KLF12: variants seen among roughly 807,000 people sequenced by gnomAD.
The protein encoded by KLF12 is Krueppel-like factor 12.
KLF12 carries 9 observed loss-of-function variants against 37.8 expected under a neutral mutation model. The ratio of observed to expected loss-of-function variants is 0.24; its 90% CI spans 0.14 to 0.42. The LOEUF (loss-of-function observed/expected upper bound fraction) is 0.42. Ranked by LOEUF, KLF12 falls within the 10% of genes least tolerant of loss-of-function variation. The probability of loss-of-function intolerance (pLI) is 1.00; values close to 1 mark genes in which losing one functional copy is unlikely to be tolerated. For missense variants in KLF12, 411 were observed against 516.0 expected (o/e 0.80, Z 1.97); for synonymous variants, 208 against 202.1 (o/e 1.03, Z -0.25).
chr13:74,296,952 T>C, the KLF12 span, among the ~76,000 whole-genome samples: 1 of 152,200 alleles, frequency 6.6e-6, no homozygotes, highest in African/African-American at 2.4e-5. Context: ...GACAAATTTG[T>C]AGCTTGATGA....
intron 7 of KLF12, among the ~76,000 whole-genome samples, chr13:73,710,227 TACA>T (rs1875265382): frequency 6.6e-6 from 1 of 152,132 alleles, no homozygotes; most frequent in Admixed American, 6.5e-5. Context: ...CTATTATAGG[TACA>T]AGGGATAGAC....
At chr13:74,100,805 A>C (rs917872272) in intron 1 of KLF12, among the ~76,000 whole-genome samples, 5 of 152,158 alleles carry the variant, frequency 3.3e-5, no homozygotes, top group African/African-American at 9.7e-5. Flanking sequence ...AGCACTGTGA[A>C]TTAAGGGAAA....
At chr13:73,738,112 TATATATATATATACAC>T (rs1343051754) in intron 6 of KLF12, among the ~76,000 whole-genome samples, 5 of 74,732 alleles carry the variant, frequency 6.7e-5, no homozygotes, top group South Asian at 4.0e-4. Context: ...TATATATATA[TATATATATATATACAC>T]ACACACACAT....
intron 3 of KLF12, among the ~76,000 whole-genome samples, chr13:73,851,297 C>T (rs905726335): frequency 3.3e-5 from 5 of 152,182 alleles, no homozygotes. Flanking sequence ...TAAATACAGT[C>T]ATTGCGGAGG....
intron 1 of KLF12, among the ~76,000 whole-genome samples, chr13:74,039,851 TA>T (rs1363626652): frequency 6.6e-6 from 1 of 152,236 alleles, no homozygotes; most frequent in African/African-American, 2.4e-5. Flanking sequence ...GTCTGACACA[TA>T]ACACTGTCCT....
chr13:73,909,494 T>G (rs1888471206), intron 3 of KLF12, among the ~76,000 whole-genome samples: 1 of 152,216 alleles, frequency 6.6e-6, no homozygotes, highest in Non-Finnish European at 1.5e-5. Flanking sequence ...ACTAAATGCT[T>G]TTTGTTACTT....
chr13:74,232,925 G>A, the KLF12 span, among the ~76,000 whole-genome samples: 21 of 151,902 alleles, frequency 1.4e-4, no homozygotes, highest in South Asian at 1.5e-3. Context: ...TTGCTCTGTC[G>A]CCCAGGCTGG....
At chr13:73,955,924 T>C (rs1020926034) in intron 2 of KLF12, among the ~76,000 whole-genome samples, 1 of 152,230 alleles carries the variant, frequency 6.6e-6, no homozygotes, top group African/African-American at 2.4e-5. Flanking sequence ...GACGATGTTC[T>C]TTCCCCACCT....
the KLF12 span, chr13:74,259,881 C>G: frequency 6.6e-6 from 1 of 152,158 alleles, no homozygotes; most frequent in African/African-American, 2.4e-5. Flanking sequence ...TTGCTGCACT[C>G]CTAGACCTGG....
chr13:73,755,705 T>C (rs1002451036), intron 6 of KLF12, among the ~76,000 whole-genome samples: 4 of 152,068 alleles, frequency 2.6e-5, no homozygotes, highest in South Asian at 2.1e-4. Flanking sequence ...TTCTGAGATT[T>C]TGGTGCACCC....
intron 3 of KLF12, among the ~76,000 whole-genome samples, chr13:73,873,050 C>T (rs1014148821): frequency 2.0e-5 from 3 of 152,160 alleles, no homozygotes; most frequent in East Asian, 1.9e-4. Flanking sequence ...TCATCTTTCT[C>T]GGTTACATCA....
At chr13:74,004,832 G>T (rs918144167) in intron 1 of KLF12, among the ~76,000 whole-genome samples, 1 of 151,706 alleles carries the variant, frequency 6.6e-6, no homozygotes, top group Admixed American at 6.6e-5. Flanking sequence ...ATTTTTCAAA[G>T]ATTTTAAAAT....
chr13:74,211,946 G>A, the KLF12 span, among the ~76,000 whole-genome samples: 865 of 152,056 alleles, frequency 5.7e-3, 10 homozygotes, highest in African/African-American at 0.02. Context: ...CCTTTTCTTT[G>A]GGTAAAGATC....
At chr13:74,244,708 A>G in the KLF12 span, among the ~76,000 whole-genome samples, 1 of 152,164 alleles carries the variant, frequency 6.6e-6, no homozygotes, top group African/African-American at 2.4e-5. Flanking sequence ...GTATCCCTTC[A>G]TATTTTTTGG....
chr13:73,813,062 A>C, intron 5 of KLF12, 90 bp downstream of exon 5: 1 of 1,396,896 alleles, frequency 7.2e-7, no homozygotes, highest in South Asian at 1.3e-5. Context: ...AGCTAGAATG[A>C]CATGGCTGGG....
intron 3 of KLF12, among the ~76,000 whole-genome samples, chr13:73,932,670 T>C (rs2139295845): frequency 6.6e-6 from 1 of 152,282 alleles, no homozygotes; most frequent in Middle Eastern, 3.4e-3. Context: ...TGTTTGCCCA[T>C]TAAGTAAATA....
At chr13:73,807,671 A>G (rs1302717307) in intron 5 of KLF12, among the ~76,000 whole-genome samples, 1 of 152,212 alleles carries the variant, frequency 6.6e-6, no homozygotes, top group East Asian at 1.9e-4. Context: ...AAAATCAGAG[A>G]GAGTAGACTA....
chr13:73,904,654 T>C (rs1049529970), intron 3 of KLF12, among the ~76,000 whole-genome samples: 1 of 152,116 alleles, frequency 6.6e-6, no homozygotes, highest in African/African-American at 2.4e-5. Context: ...TTCTGGATCA[T>C]TTTATTACGA....
At chr13:74,034,922 C>T (rs191259766) in intron 1 of KLF12, among the ~76,000 whole-genome samples, 29 of 152,350 alleles carry the variant, frequency 1.9e-4, no homozygotes, top group African/African-American at 6.5e-4. Context: ...AACCCATATA[C>T]CTCTGTTCTG....
Sources: gnomAD v4.1 joint callset for allele counts (sites outside exome capture counted in the v4.1 genomes callset) on GRCh38, gnomAD v4.1.1 for gene constraint, MANE v1.5 for transcripts, NCBI Gene and HGNC (gene_info 2026-07-23, HGNC 2026-07-21) for gene names.